PCDHGA3: variants seen among roughly 807,000 people sequenced by gnomAD.
PCDHGA3 encodes the protein protocadherin gamma-A3.
A neutral mutation model predicts 58.5 loss-of-function variants in PCDHGA3; 40 were observed. That is an observed-to-expected ratio of 0.68 (90% CI 0.53 to 0.89). The LOEUF (loss-of-function observed/expected upper bound fraction) is 0.89, where lower values mean the gene tolerates loss of function less well. Among genes scored for constraint, PCDHGA3 ranks in the 40% least tolerant of loss-of-function variants. The probability of loss-of-function intolerance (pLI) is 0.00; values close to 1 mark genes in which losing one functional copy is unlikely to be tolerated. For missense variants in PCDHGA3, 1,223 were observed against 1,195.9 expected, an observed-to-expected ratio of 1.02 and a Z score of -0.33; for synonymous variants, 530 against 525.7, an observed-to-expected ratio of 1.01 and a Z score of -0.11.
At chr5:141,425,069 A>G (rs771114613) in intron 1 of PCDHGA3, among the ~76,000 whole-genome samples, 1 of 152,170 alleles carries the variant, frequency 6.6e-6, no homozygotes. Context: ...GACAAAAATA[A>G]TTTCAACTGT....
At chr5:141,408,121 T>C in intron 1 of PCDHGA3, 1 of 1,475,406 alleles carries the variant, frequency 6.8e-7, no homozygotes, top group South Asian at 1.4e-5. Context: ...CCTCCTGTCC[T>C]GGGCCGAATG....
At chr5:141,356,517 A>C (rs1588518468) in intron 1 of PCDHGA3, 2 of 1,614,054 alleles carry the variant, frequency 1.2e-6, no homozygotes. Flanking sequence ...CTCATATTTC[A>C]CTGCAAGTGA....
At chr5:141,383,879 G>A (rs1196711965) in intron 1 of PCDHGA3, 2 of 1,613,862 alleles carry the variant, frequency 1.2e-6, no homozygotes, top group Non-Finnish European at 1.7e-6. Flanking sequence ...GGTCCTGGTA[G>A]TCTGACAAAG....
At position 141,485,069 on chromosome 5, in the gene PCDHGA3, G is replaced by A. The variant is rs1185236732; in HGVS notation, c.2425-9738G>A. 1.1e-6 allele frequency: 1 copy of A among 905,912 alleles called. No homozygotes were observed. Among genetic ancestry groups the A allele is most frequent in the Non-Finnish European group, 1.7e-6 (1 of 577,940 alleles). The allele number at this position is 905,912 out of a possible 1,614,324, so 56.1% of individuals were successfully genotyped here. A position where few individuals can be genotyped will look rare whatever the true frequency, so the allele number is the denominator to read the frequency against. On this transcript the variant is annotated intron_variant, in intron 1 of 3. Coordinates refer to ENST00000253812, the MANE Select transcript of PCDHGA3 (RefSeq NM_018916.4). This position sits in a 1 kb window ranked among gnomAD's most constrained non-coding sequence, Gnocchi z 5.7. ...GCGCCGGCCGAACCGCGCCAGAGCTGGCGCGGGGAAAGGGAGATAGGTGTC... is the reference window on the plus strand; with the variant it reads ...GCGCCGGCCGAACCGCGCCAGAGCTAGCGCGGGGAAAGGGAGATAGGTGTC...
chr5:141,389,524 G>T, intron 1 of PCDHGA3: 1 of 1,613,146 alleles, frequency 6.2e-7, no homozygotes, highest in Non-Finnish European at 8.5e-7. Context: ...GTGAGCCTGC[G>T]CGTGTTAGTG....
chr5:141,455,343 G>A (rs1462807460), intron 1 of PCDHGA3, among the ~76,000 whole-genome samples: 1 of 152,036 alleles, frequency 6.6e-6, no homozygotes, highest in African/African-American at 2.4e-5. Flanking sequence ...TTTAAGGAGC[G>A]GAGAGTTTAA....
chr5:141,400,102 G>A (rs376189143), intron 1 of PCDHGA3: 2 of 1,614,084 alleles, frequency 1.2e-6, no homozygotes, highest in Non-Finnish European at 1.7e-6. Context: ...GCTGCACTTG[G>A]TCTTTGCTGA....
intron 1 of PCDHGA3, among the ~76,000 whole-genome samples, chr5:141,368,668 C>T (rs1198992123): frequency 1.3e-5 from 2 of 152,072 alleles, no homozygotes; most frequent in East Asian, 3.9e-4. Flanking sequence ...TCTTTAAACC[C>T]TCTATAAACT....
intron 1 of PCDHGA3, chr5:141,421,189 C>T: frequency 1.4e-6 from 2 of 1,477,674 alleles, no homozygotes; most frequent in South Asian, 2.7e-5. Flanking sequence ...CACAACCAAC[C>T]AGCTCGAGAA....
intron 1 of PCDHGA3, chr5:141,351,796 G>A (rs1758827149): frequency 1.9e-6 from 3 of 1,613,356 alleles, no homozygotes; most frequent in Middle Eastern, 1.7e-4. Context: ...TGGTGTTCGC[G>A]CAGCGCGCCT....
At position 141,486,108 on chromosome 5, in the gene PCDHGA3, G is replaced by A. The variant is rs1184123075; in HGVS notation, c.2425-8699G>A. ...CTTTTGGGGCCCCTAGACTTTGAGA[G>A]TGAGAATTACTATGAATTTGATGTG... On this transcript the variant is annotated intron_variant, in intron 1 of 3. Coordinates refer to ENST00000253812, the MANE Select transcript of PCDHGA3 (RefSeq NM_018916.4). The surrounding 1 kb of genome is among the most constrained non-coding windows in gnomAD (Gnocchi z 5.0). 6 of 1,614,206 alleles carry A rather than the reference G, an allele frequency of 3.7e-6. No individual in the cohort carries two copies. Among genetic ancestry groups the A allele is most frequent in the South Asian group, 3.3e-5 (3 of 91,084 alleles).
chr5:141,431,228 G>C lies in PCDHGA3; in HGVS notation c.2425-63579G>C, dbSNP rs772199359. The stretch of plus-strand genomic sequence containing the variant: ...TGAGATGCGGTTCCCTCTACCCCAC[G>C]CCTGGGATCCGGATATCGGGAAGAA... On this transcript the variant is annotated intron_variant, in intron 1 of 3. Coordinates refer to ENST00000253812, the MANE Select transcript of PCDHGA3 (RefSeq NM_018916.4). The surrounding 1 kb of genome is among the most constrained non-coding windows in gnomAD (Gnocchi z 4.8). The C allele has an allele frequency of 1.9e-6, 3 of 1,614,000 alleles. No individual in the cohort carries two copies. The African/African-American group carries it at 4.0e-5, about 22-fold the overall frequency.
At chr5:141,360,740 G>C (rs1761724745) in intron 1 of PCDHGA3, 1 of 1,613,842 alleles carries the variant, frequency 6.2e-7, no homozygotes, top group Admixed American at 1.7e-5. Context: ...TCTCTGGACA[G>C]AGAAGAGCAC....
intron 1 of PCDHGA3, chr5:141,357,870 A>G (rs1760750404): frequency 3.6e-6 from 2 of 550,968 alleles, no homozygotes; most frequent in African/African-American, 1.9e-5. Flanking sequence ...TAATTTTACA[A>G]CTCTGAGCCA....
chr5:141,414,767 AGCTACAGAT>A, intron 1 of PCDHGA3: 2 of 1,614,190 alleles, frequency 1.2e-6, no homozygotes, highest in Middle Eastern at 1.6e-4. Flanking sequence ...CAGTTTCATG[AGCTACAGAT>A]GCAGGTGACA....
At chr5:141,399,854 GC>G (rs1416380474) in intron 1 of PCDHGA3, 1 of 1,612,786 alleles carries the variant, frequency 6.2e-7, no homozygotes, top group Admixed American at 1.7e-5. Context: ...ATGGTGCCGC[GC>G]GCTGCAGAGC....
At chr5:141,366,741 G>T in intron 1 of PCDHGA3, 1 of 1,611,828 alleles carries the variant, frequency 6.2e-7, no homozygotes, top group South Asian at 1.1e-5. Context: ...AAAGAAGAAC[G>T]GCGAGTTCAG....
intron 1 of PCDHGA3, chr5:141,417,885 G>A (rs761442517): frequency 2.6e-6 from 4 of 1,562,806 alleles, no homozygotes; most frequent in Admixed American, 1.9e-5. Flanking sequence ...GCGCAGAGGC[G>A]CCGGGCCGGC....
chr5:141,511,374 CA>C lies in PCDHGA3; in HGVS notation c.*202del. ...CCCCAGGGGGTTGAATATGCAAAAG[CA>C]GTTCCGCTGGGAACCCCCATCCAAT... On this transcript the variant is annotated 3_prime_UTR_variant, in exon 4 of 4. Coordinates refer to ENST00000253812, the MANE Select transcript of PCDHGA3 (RefSeq NM_018916.4). The C allele has an allele frequency of 8.0e-7, 1 of 1,242,392 alleles. No individual in the cohort carries two copies. 77.0% of individuals were successfully genotyped at this position (1,242,392 alleles called of 1,614,324 possible).
Sources: allele counts gnomAD v4.1 joint callset (sites outside exome capture counted in the v4.1 genomes callset), GRCh38; gene constraint gnomAD v4.1.1; non-coding constraint Gnocchi (gnomAD v3.1); transcripts MANE v1.5; gene names NCBI Gene and HGNC (gene_info 2026-07-23, HGNC 2026-07-21).